The following WFDC11 variants were observed in gnomAD, a reference collection of about 807,000 sequenced individuals.
WFDC11 encodes WAP four-disulfide core domain 11.
Under a neutral mutation model 9.9 loss-of-function variants are expected in WFDC11, and 9 were observed. The observed-to-expected ratio is 0.91, with a 90% CI of 0.55 to 1.58. WFDC11 has a LOEUF of 1.58. WFDC11 is among the 40% of genes most tolerant of loss of function. WFDC11 has a pLI of 0.00. For missense variants in WFDC11, 106 were observed against 101.7 expected (o/e 1.04, Z -0.18); for synonymous variants, 32 against 33.3 (o/e 0.96, Z 0.13).
At chr20:45,662,644 T>C (rs1029054860) in intron 2 of WFDC11, among the ~76,000 whole-genome samples, 2 of 152,256 alleles carry the variant, frequency 1.3e-5, no homozygotes, top group African/African-American at 4.8e-5. Context: ...GTTGAATTTT[T>C]GTCAAAGGCC....
chr20:45,664,537 G>A (rs1033931836), intron 2 of WFDC11, among the ~76,000 whole-genome samples: 1 of 152,234 alleles, frequency 6.6e-6, no homozygotes, highest in Non-Finnish European at 1.5e-5. Context: ...AATTTGGCAT[G>A]TTTTTGCAGT....
chr20:45,662,701 T>G (rs1189457416), intron 2 of WFDC11, among the ~76,000 whole-genome samples: 1 of 152,248 alleles, frequency 6.6e-6, no homozygotes, highest in Non-Finnish European at 1.5e-5. Context: ...TCTTTGGTTC[T>G]GTTTATGTGA....
chr20:45,658,870 C>G (rs955034237), intron 2 of WFDC11, among the ~76,000 whole-genome samples: 7 of 151,824 alleles, frequency 4.6e-5, no homozygotes, highest in Non-Finnish European at 7.4e-5. Flanking sequence ...ATCCCTCCCC[C>G]ACATCCCCCG....
chr20:45,662,867 T>A (rs1412148947), intron 2 of WFDC11, among the ~76,000 whole-genome samples: 2 of 152,228 alleles, frequency 1.3e-5, no homozygotes, highest in Non-Finnish European at 2.9e-5. Flanking sequence ...TCAGGGATAT[T>A]GGTATAAAAT....
rs1193359504 is a variant in WFDC11, at chr20:45,648,976, G to T, written c.244-237C>A. ...AGTCTGACTATGGAAGCAGTGGTTA[G>T]AAATCTGGACAAATTTAGGAAAAAT... On this transcript the variant is annotated intron_variant, in intron 4 of 4. Transcript: ENST00000324384. 2.0e-5 allele frequency among the ~76,000 whole-genome samples: 3 copies of T among 152,180 alleles called. No homozygotes were observed. In the South Asian group the frequency reaches 6.2e-4, roughly 32 times the overall value.
intron 2 of WFDC11, among the ~76,000 whole-genome samples, chr20:45,657,816 G>A (rs369804810): frequency 7.9e-5 from 12 of 151,836 alleles, no homozygotes; most frequent in East Asian, 3.9e-4. Flanking sequence ...AGATAATTTC[G>A]CCCAACAGTA....
In WFDC11 at chr20:45,659,727, A is replaced by G. The variant is rs182098502; in HGVS notation, c.-52+7361T>C. On this transcript the variant is annotated intron_variant, in intron 2 of 4. Transcript: ENST00000324384. ...AAGCTCTTTAGTTTAATTAGATCCC[A>G]TTTGTCAATTTTGGCTTTTGCTGCC... 3.2e-3 allele frequency among the ~76,000 whole-genome samples: 485 copies of G among 152,076 alleles called. 3 individuals carry two copies. The highest frequency in any genetic ancestry group is 0.011 in the African/African-American group (448 of 41,486).
intron 2 of WFDC11, among the ~76,000 whole-genome samples, chr20:45,658,772 G>A (rs1490182910): frequency 6.6e-6 from 1 of 152,020 alleles, no homozygotes; most frequent in African/African-American, 2.4e-5. Context: ...TGCAGAATGT[G>A]CAGGTTTGTT....
At chr20:45,659,955 T>C (rs1665520457) in intron 2 of WFDC11, among the ~76,000 whole-genome samples, 1 of 152,174 alleles carries the variant, frequency 6.6e-6, no homozygotes, top group Admixed American at 6.6e-5. Context: ...CCCAGCACCA[T>C]TTATTAAATA....
intron 2 of WFDC11, among the ~76,000 whole-genome samples, chr20:45,661,667 A>T (rs930312631): frequency 2.6e-5 from 4 of 152,144 alleles, no homozygotes; most frequent in Admixed American, 2.0e-4. Context: ...CCATTTATTA[A>T]ATAGGGAATC....
chr20:45,656,773 G>T (rs1255492174), intron 2 of WFDC11, among the ~76,000 whole-genome samples: 1 of 152,114 alleles, frequency 6.6e-6, no homozygotes, highest in Non-Finnish European at 1.5e-5. Context: ...GTGGGCAAAG[G>T]ATATGAACAG....
In WFDC11 at chr20:45,669,298, A is replaced by G. The variant is rs145763197; in HGVS notation, c.-134+880T>C. On this transcript the variant is annotated intron_variant, in intron 1 of 4. Transcript: ENST00000324384. ...TGGAAAACTCCATTAAATCACATGGAAAAATTATAGCACAGGCATACCTCA... is the reference window on the plus strand; with the variant it reads ...TGGAAAACTCCATTAAATCACATGGGAAAATTATAGCACAGGCATACCTCA... 6.9e-3 allele frequency among the ~76,000 whole-genome samples: 1,050 copies of G among 152,334 alleles called. 7 individuals are homozygous for G. The highest frequency in any genetic ancestry group is 0.01 in the Middle Eastern group (3 of 294).
intron 2 of WFDC11, among the ~76,000 whole-genome samples, chr20:45,661,592 G>T (rs1983066956): frequency 6.6e-6 from 1 of 152,154 alleles, no homozygotes; most frequent in Non-Finnish European, 1.5e-5. Flanking sequence ...ATTAATTTTT[G>T]TATACGGTGT....
intron 2 of WFDC11, among the ~76,000 whole-genome samples, chr20:45,657,025 A>C (rs1341064012): frequency 6.6e-6 from 1 of 152,122 alleles, no homozygotes; most frequent in African/African-American, 2.4e-5. Context: ...GTCAGTGTGG[A>C]GATTCCTCAA....
At chr20:45,666,135 AC>A (rs1219886126) in intron 2 of WFDC11, among the ~76,000 whole-genome samples, 1 of 151,256 alleles carries the variant, frequency 6.6e-6, no homozygotes, top group African/African-American at 2.4e-5. Flanking sequence ...AATGATGGAC[AC>A]CCCTCCCCCC....
chr20:45,662,094 T>C (rs556405453), intron 2 of WFDC11, among the ~76,000 whole-genome samples: 2 of 152,128 alleles, frequency 1.3e-5, no homozygotes, highest in Non-Finnish European at 2.9e-5. Context: ...TTTATTTCAT[T>C]GAGCAGTGAT....
At chr20:45,657,235 A>G (rs1213874578) in intron 2 of WFDC11, among the ~76,000 whole-genome samples, 3 of 152,188 alleles carry the variant, frequency 2.0e-5, no homozygotes, top group African/African-American at 4.8e-5. Flanking sequence ...CATATACACC[A>G]TGGAATACTA....
At chr20:45,664,414 C>T (rs6032417) in intron 2 of WFDC11, among the ~76,000 whole-genome samples, 7,176 of 152,160 alleles carry the variant, frequency 0.047, 342 homozygotes, top group East Asian at 0.22. Flanking sequence ...GCATTTAGCC[C>T]ATTTACATTT....
At chr20:45,658,300 C>G (rs911325808) in intron 2 of WFDC11, among the ~76,000 whole-genome samples, 1 of 152,146 alleles carries the variant, frequency 6.6e-6, no homozygotes, top group Non-Finnish European at 1.5e-5. Context: ...GGGCACTATG[C>G]TATACAACAA....
Sources: allele counts gnomAD v4.1 joint callset (sites outside exome capture counted in the v4.1 genomes callset), GRCh38; gene constraint gnomAD v4.1.1; transcripts MANE v1.5; gene names NCBI Gene and HGNC (gene_info 2026-07-23, HGNC 2026-07-21).